The following JAKMIP1 variants were observed in gnomAD, a reference collection of about 807,000 sequenced individuals.
The protein encoded by JAKMIP1 is janus kinase and microtubule interacting protein 1.
In JAKMIP1, 33 loss-of-function variants were observed where a neutral mutation model predicts 113.0. The observed-to-expected ratio is 0.29, with a 90% CI of 0.22 to 0.39. The LOEUF (loss-of-function observed/expected upper bound fraction) is 0.39, where lower values mean the gene tolerates loss of function less well. JAKMIP1 is among the 10% of genes least tolerant of loss of function. JAKMIP1 has a pLI of 1.00. For synonymous variants in JAKMIP1, 480 were observed against 459.9 expected (o/e 1.04, Z -0.56); for missense variants, 813 against 1,080.5 (o/e 0.75, Z 3.47).
intron 1 of JAKMIP1, among the ~76,000 whole-genome samples, chr4:6,170,104 C>T (rs116634520): frequency 7.2e-6 from 1 of 139,278 alleles, no homozygotes; most frequent in South Asian, 2.4e-4. Flanking sequence ...CGATCCCCAT[C>T]ATTACCAACA....
chr4:6,117,028 A>G (rs1715891961), intron 1 of JAKMIP1, among the ~76,000 whole-genome samples: 1 of 152,226 alleles, frequency 6.6e-6, no homozygotes, highest in South Asian at 2.1e-4. Flanking sequence ...GCATGACGGC[A>G]ACAGCAGAGC....
At position 6,081,109 on chromosome 4, in the gene JAKMIP1, T is replaced by C. The variant is rs1720474459; in HGVS notation, c.1101+500A>G. Among the ~76,000 whole-genome samples the C allele has an allele frequency of 6.6e-6, 1 of 151,970 alleles. No homozygotes were observed. Among genetic ancestry groups the C allele is most frequent in the African/African-American group, 2.4e-5 (1 of 41,334 alleles). ...TGGGGGTTGATACTACTCTGAACAA[T>C]GAACCTGAAATCATTCTGTAAACTG... On this transcript the variant is annotated intron_variant, in intron 6 of 20. Coordinates refer to ENST00000409021, the MANE Select transcript of JAKMIP1 (RefSeq NM_001099433.2). The surrounding 1 kb of genome is among the most constrained non-coding windows in gnomAD (Gnocchi z 4.6).
Position 6,040,899 on chromosome 4 carries a change from G to A in JAKMIP1, c.2098-183C>T, listed in dbSNP as rs1392746256. ...CCCAGCAGGAGCCTCACTGACCTGG[G>A]GCACCCTTGACAGCCACACCTGGAT... is the stretch of plus-strand genomic sequence containing the variant. On this transcript the variant is annotated intron_variant, in intron 17 of 20. Transcript: ENST00000409021. The surrounding 1 kb of genome is among the most constrained non-coding windows in gnomAD (Gnocchi z 5.8). 6.6e-6 allele frequency among the ~76,000 whole-genome samples: 1 copy of A among 152,060 alleles called. No homozygotes were observed. The highest frequency in any genetic ancestry group is 1.5e-5 in the Non-Finnish European group (1 of 68,018).
At chr4:6,030,036 C>T (rs572520399) in intron 19 of JAKMIP1, among the ~76,000 whole-genome samples, 15 of 152,276 alleles carry the variant, frequency 9.9e-5, no homozygotes, top group African/African-American at 3.1e-4. Context: ...TGACTTCTAT[C>T]ACTAATAATG....
In JAKMIP1 at chr4:6,139,770, T is replaced by TATAAAATAAA. The variant is rs74997830; in HGVS notation, c.-147-26783_-147-26774dup. ...GACAGAGTGAGACTCCATCTCAAAA[T>TATAAAATAAA]ATAAAATAAAATAAAATAAAATAAA... On this transcript the variant is annotated intron_variant, in intron 1 of 20. Transcript: ENST00000409021. This position sits in a 1 kb window ranked among gnomAD's most constrained non-coding sequence, Gnocchi z 5.2. Among the ~76,000 whole-genome samples the TATAAAATAAA allele has an allele frequency of 2.1e-4, 31 of 148,016 alleles. 1 individual carries two copies. Among genetic ancestry groups the TATAAAATAAA allele is most frequent in the African/African-American group, 5.5e-4 (22 of 39,852 alleles).
rs1720169556 is a variant in JAKMIP1, at chr4:6,141,677, A to T, written c.-147-28680T>A. Among the ~76,000 whole-genome samples, 1 of 152,188 alleles carries T rather than the reference A, an allele frequency of 6.6e-6. No homozygotes were observed. The highest frequency in any genetic ancestry group is 1.5e-5 in the Non-Finnish European group (1 of 68,030). ...ATCTTAACTTGCCGGTAGCTGGCCC[A>T]GCCCTGGTCCACAGAAGCCAGGTGG... On this transcript the variant is annotated intron_variant, in intron 1 of 20. Transcript: ENST00000409021. The surrounding 1 kb of genome is among the most constrained non-coding windows in gnomAD (Gnocchi z 9.4).
At chr4:6,070,196 T>C (rs1426794827) in intron 8 of JAKMIP1, 4 of 398,418 alleles carry the variant, frequency 1.0e-5, no homozygotes, top group Non-Finnish European at 1.3e-5. Flanking sequence ...CCAGCCCCTG[T>C]GCGTGGGCTT....
rs1715561340 is a variant in JAKMIP1 at position 6,050,783 on chromosome 4, GACGTT to G, written c.1807-109_1807-105del. On this transcript the variant is annotated intron_variant, in intron 13 of 20. Coordinates refer to ENST00000409021, the MANE Select transcript of JAKMIP1 (RefSeq NM_001099433.2). The surrounding 1 kb of genome is among the most constrained non-coding windows in gnomAD (Gnocchi z 7.4). ...AAACCAAGGAATTCCAGTGGGCACA[GACGTT>G]ACTAAAAAGCACGAGTTCGGACTAG... The G allele has an allele frequency of 1.1e-6, 1 of 902,018 alleles. No individual in the cohort carries two copies. Among genetic ancestry groups the G allele is most frequent in the East Asian group, 2.7e-5 (1 of 37,364 alleles). The allele number at this position is 902,018 out of a possible 1,614,324, so 55.9% of individuals were successfully genotyped here.
intron 2 of JAKMIP1, among the ~76,000 whole-genome samples, chr4:6,109,124 CTTTTTTTTTTT>C (rs71173408): frequency 1.0e-5 from 1 of 96,860 alleles, no homozygotes; most frequent in Non-Finnish European, 2.1e-5. Context: ...CCTGGGGCAC[CTTTTTTTTTTT>C]TTTTTTTTTT....
At position 6,176,495 on chromosome 4, in the gene JAKMIP1, C is replaced by CG. The variant is rs1725353317; in HGVS notation, c.-148+23757_-148+23758insC. Among the ~76,000 whole-genome samples the CG allele has an allele frequency of 6.6e-6, 1 of 152,222 alleles. No homozygotes were observed. The highest frequency in any genetic ancestry group is 1.5e-5 in the Non-Finnish European group (1 of 68,040). On this transcript the variant is annotated intron_variant, in intron 1 of 20. Coordinates refer to ENST00000409021, the MANE Select transcript of JAKMIP1 (RefSeq NM_001099433.2). The surrounding 1 kb of genome is among the most constrained non-coding windows in gnomAD (Gnocchi z 5.5). ...AATCTATTTACCAAGCTCCTCAGTA[C>CG]TCCTACCACAGGACGGTTGTTCTGT...
chr4:6,082,860 G>C (rs1720786359), intron 5 of JAKMIP1, among the ~76,000 whole-genome samples: 1 of 152,050 alleles, frequency 6.6e-6, no homozygotes, highest in African/African-American at 2.4e-5. Context: ...ACAGACCATG[G>C]TATATCCACA....
intron 3 of JAKMIP1, 63 bp downstream of exon 3, chr4:6,105,410 T>C: frequency 6.8e-7 from 1 of 1,460,196 alleles, no homozygotes; most frequent in Non-Finnish European, 9.2e-7. Flanking sequence ...GCTCCGCATT[T>C]CCCCCATGCG....
At chr4:6,191,131 G>A (rs1300214937) in intron 1 of JAKMIP1, among the ~76,000 whole-genome samples, 1 of 152,218 alleles carries the variant, frequency 6.6e-6, no homozygotes, top group Non-Finnish European at 1.5e-5. Context: ...TAGAGCCACT[G>A]AGTGGCCAAG....
Position 6,078,947 on chromosome 4 carries a change from G to A in JAKMIP1, c.1294C>T (p.Pro432Ser). 6.2e-7 allele frequency: 1 copy of A among 1,614,184 alleles called. No individual in the cohort carries two copies. The change falls in exon 8 of 21, where the codon CCG becomes TCG. Residue 432 changes from proline to serine, a missense_variant. Transcript: ENST00000409021. ...SKRHRGKSLKPPKKHVVETFF... is the reference protein window; with the variant it reads ...SKRHRGKSLKSPKKHVVETFF... ...CACCATCGCAGGCTCACCTTGGGCG[G>A]TTTCAGACTTTTCCCTCGATGCCTT...
chr4:6,165,002 A>G (rs1206536126), intron 1 of JAKMIP1, among the ~76,000 whole-genome samples: 1 of 152,254 alleles, frequency 6.6e-6, no homozygotes, highest in Non-Finnish European at 1.5e-5. Flanking sequence ...GGCAGTGGCA[A>G]GGCCTGAGAG....
intron 19 of JAKMIP1, 146 bp downstream of exon 19, chr4:6,035,758 G>A (rs1713336211): frequency 1.4e-6 from 1 of 695,154 alleles, no homozygotes; most frequent in Non-Finnish European, 2.4e-6. Context: ...GGGCATCTAT[G>A]AAATCTTGCT....
At chr4:6,159,512 A>G (rs965928109) in intron 1 of JAKMIP1, among the ~76,000 whole-genome samples, 1 of 17,660 alleles carries the variant, frequency 5.7e-5, no homozygotes, top group Non-Finnish European at 1.2e-3. Flanking sequence ...GCAGCATGCA[A>G]GTGGAAAAAA....
rs1360831305 is a variant in JAKMIP1, at chr4:6,139,059, CACACACACACACACACACACACACATAT to C, written c.-147-26090_-147-26063del. On this transcript the variant is annotated intron_variant, in intron 1 of 20. Coordinates refer to ENST00000409021, the MANE Select transcript of JAKMIP1 (RefSeq NM_001099433.2). The surrounding 1 kb of genome is among the most constrained non-coding windows in gnomAD (Gnocchi z 5.2). ...TTTGCATGTGACATCATTAGAAACA[CACACACACACACACACACACACACATAT>C]ACACACACACACACACACCAGCAGG... 1.3e-4 allele frequency among the ~76,000 whole-genome samples: 8 copies of C among 62,860 alleles called. No homozygotes were observed. Among genetic ancestry groups the C allele is most frequent in the African/African-American group, 3.4e-4 (8 of 23,312 alleles). 41.2% of individuals were successfully genotyped at this position (62,860 alleles called of 152,430 possible).
intron 1 of JAKMIP1, among the ~76,000 whole-genome samples, chr4:6,125,819 C>CAA (rs1717408295): frequency 9.8e-6 from 1 of 101,704 alleles, no homozygotes; most frequent in Non-Finnish European, 1.9e-5. Flanking sequence ...ACACACACAC[C>CAA]ATACACACCA....
Sources: allele counts gnomAD v4.1 joint callset (sites outside exome capture counted in the v4.1 genomes callset), GRCh38; gene constraint gnomAD v4.1.1; non-coding constraint Gnocchi (gnomAD v3.1); transcripts MANE v1.5; gene names NCBI Gene and HGNC (gene_info 2026-07-23, HGNC 2026-07-21).